BCAT2: variants seen among roughly 807,000 people sequenced by gnomAD.
BCAT2 encodes branched-chain-amino-acid aminotransferase, mitochondrial.
BCAT2 carries 44 observed loss-of-function variants against 52.9 expected under a neutral mutation model. The observed-to-expected ratio is 0.83, with a 90% CI of 0.65 to 1.07. The LOEUF (loss-of-function observed/expected upper bound fraction) is 1.07. Among genes scored for constraint, BCAT2 ranks in the 50% least tolerant of loss-of-function variants. BCAT2 has a pLI of 0.00. For synonymous variants in BCAT2, 215 were observed against 217.1 expected (o/e 0.99, Z 0.08); for missense variants, 478 against 521.8 (o/e 0.92, Z 0.82).
rs1296554415 is a variant in BCAT2 at position 48,799,631 on chromosome 19, A to G, written c.695+44T>C. The G allele has an allele frequency of 2.0e-6, 3 of 1,514,470 alleles. No homozygotes were observed. In the East Asian group the frequency reaches 6.9e-5, roughly 35 times the overall value. 93.8% of individuals were successfully genotyped at this position (1,514,470 alleles called of 1,614,324 possible). A position where few individuals can be genotyped will look rare whatever the true frequency, so the allele number is the denominator to read the frequency against. The stretch of plus-strand genomic sequence containing the variant: ...ACGCACGCTGGTCCCTGTGTCTCCA[A>G]CGCCCAGTGCGCCAGTCGTTCTGGG... On this transcript the variant is annotated intron_variant, in intron 6 of 10. Coordinates refer to ENST00000316273, the MANE Select transcript of BCAT2 (RefSeq NM_001190.4). This position sits in a 1 kb window ranked among gnomAD's most constrained non-coding sequence, Gnocchi z 5.5.
At chr19:48,810,853 C>T (rs931879968) in intron 1 of BCAT2, 131 bp downstream of exon 1, 4 of 1,521,360 alleles carry the variant, frequency 2.6e-6, no homozygotes, top group Non-Finnish European at 3.5e-6. Flanking sequence ...CCATCCTCCT[C>T]CGCGCCCTGC....
rs1431906246 is a variant in BCAT2 at position 48,795,452 on chromosome 19, C to A, written c.1153G>T (p.Ala385Ser). Residue 385 changes from alanine to serine, a missense_variant, in exon 11 of 11, where the codon GCC becomes TCC. Coordinates refer to ENST00000316273, the MANE Select transcript of BCAT2 (RefSeq NM_001190.4). ...ELKEIQYGIR[A>S]HEWMFPV is the part of the protein sequence containing the mutation. ...CACACCGGGAACATCCACTCGTGGG[C>A]TCTGATTCCGTACTGCGGAACAACG... is the stretch of plus-strand genomic sequence containing the variant. 1 of 1,613,860 alleles carries A rather than the reference C, an allele frequency of 6.2e-7. No homozygotes were observed. Among genetic ancestry groups the A allele is most frequent in the African/African-American group, 1.3e-5 (1 of 74,940 alleles).
intron 1 of BCAT2, chr19:48,808,408 A>AC (rs1007347961): frequency 1.2e-4 from 42 of 355,396 alleles, no homozygotes; most frequent in Middle Eastern, 1.4e-3. Context: ...CAGAAAAAAA[A>AC]AAAAACAAAA....
chr19:48,799,806 C>A lies in BCAT2; in HGVS notation c.564G>T (p.Ala188=). Residue 188 remains alanine (A), a synonymous_variant, in exon 6 of 11, where the codon GCG becomes GCT. Transcript: ENST00000316273. This position sits in a 1 kb window ranked among gnomAD's most constrained non-coding sequence, Gnocchi z 5.5. ...PSLGVSQPTR[A]LLFVILCPVG... ...CTGGGCAGAGAATGACGAACAGGAG[C>A]GCGCGCGTGGGCTGGCTGACACCCA... 6.4e-7 allele frequency: 1 copy of A among 1,559,270 alleles called. No individual in the cohort carries two copies. The highest frequency in any genetic ancestry group is 8.7e-7 in the Non-Finnish European group (1 of 1,151,438).
At chr19:48,795,656 G>C (rs1181899585) in intron 10 of BCAT2, among the ~76,000 whole-genome samples, 192 bp from the exon 11 acceptor site, 1 of 152,178 alleles carries the variant, frequency 6.6e-6, no homozygotes, top group Non-Finnish European at 1.5e-5. Flanking sequence ...AGGCTTCCGG[G>C]AGATGTAGTT....
chr19:48,797,381 C>T (rs2034550962), intron 6 of BCAT2, 48 bp from the exon 7 acceptor site: 1 of 1,606,842 alleles, frequency 6.2e-7, no homozygotes, highest in African/African-American at 1.3e-5. Context: ...CCCCATCCTT[C>T]CCCAGCCCAG....
chr19:48,798,066 CCTTA>C (rs767386785), intron 6 of BCAT2, among the ~76,000 whole-genome samples: 24 of 152,082 alleles, frequency 1.6e-4, no homozygotes, highest in Non-Finnish European at 3.1e-4. Context: ...CAGCGCCCGG[CCTTA>C]CTTTTTATAT....
chr19:48,798,015 G>A (rs187397261), intron 6 of BCAT2, among the ~76,000 whole-genome samples: 19 of 151,884 alleles, frequency 1.3e-4, no homozygotes, highest in African/African-American at 3.4e-4. Flanking sequence ...TTATATGCCC[G>A]CCTCAGCCCC....
chr19:48,806,376 A>C, intron 3 of BCAT2, 141 bp downstream of exon 3: 1 of 1,070,540 alleles, frequency 9.3e-7, no homozygotes, highest in Non-Finnish European at 1.3e-6. Context: ...GGAGCATGGA[A>C]GGCCTCAGAA....
intron 3 of BCAT2, among the ~76,000 whole-genome samples, chr19:48,805,522 C>G (rs753395687): frequency 1.6e-4 from 25 of 152,138 alleles, no homozygotes; most frequent in Non-Finnish European, 2.8e-4. Context: ...CATGCTCCAA[C>G]ACCGCAATTT....
intron 3 of BCAT2, among the ~76,000 whole-genome samples, chr19:48,804,215 T>C (rs2034714639): frequency 6.6e-6 from 1 of 152,106 alleles, no homozygotes; most frequent in South Asian, 2.1e-4. Context: ...CATTTGATGC[T>C]GTGTGTTATT....
intron 3 of BCAT2, among the ~76,000 whole-genome samples, chr19:48,801,351 A>AGG (rs2034654042): frequency 2.0e-5 from 3 of 152,180 alleles, no homozygotes; most frequent in Middle Eastern, 6.8e-3. Context: ...CACAAAAATG[A>AGG]GGGGCAAGAT....
intron 10 of BCAT2, chr19:48,796,213 T>C (rs748094150): frequency 3.8e-5 from 23 of 612,878 alleles, no homozygotes; most frequent in Non-Finnish European, 5.7e-5. Context: ...TATCCAGGGC[T>C]CCGGGAGCTC....
At position 48,800,109 on chromosome 19, in the gene BCAT2, G is replaced by C; in HGVS notation, c.412-9C>G. ...TCCAGCTTGTCGAAACTCTGGGTGG[G>C]ATTCTGAATGAGTCAAGGGGCCCTT... On this transcript the variant is annotated splice_polypyrimidine_tract_variant and intron_variant, in intron 4 of 10. Transcript: ENST00000316273. The C allele has an allele frequency of 1.2e-6, 2 of 1,613,838 alleles. No homozygotes were observed. The highest frequency in any genetic ancestry group is 1.7e-6 in the Non-Finnish European group (2 of 1,179,814).
At chr19:48,796,386 G>C (rs768790201) in intron 10 of BCAT2, 42 bp downstream of exon 10, 5 of 1,612,474 alleles carry the variant, frequency 3.1e-6, no homozygotes, top group Non-Finnish European at 4.2e-6. Flanking sequence ...ACTTCTCCAG[G>C]GAACAAGCTC....
rs999367509 is a variant in BCAT2 at position 48,807,194 on chromosome 19, G to A, written c.25-120C>T. Reference sequence around the variant, plus strand: ...GCCTGCCTGTTCTGTCCCAGTTTCAGTCCATTCTAGACGGGGCAGGTGGTC... The same window carrying A: ...GCCTGCCTGTTCTGTCCCAGTTTCAATCCATTCTAGACGGGGCAGGTGGTC... On this transcript the variant is annotated intron_variant, in intron 1 of 10. Coordinates refer to ENST00000316273, the MANE Select transcript of BCAT2 (RefSeq NM_001190.4). This position sits in a 1 kb window ranked among gnomAD's most constrained non-coding sequence, Gnocchi z 4.6. The A allele has an allele frequency of 8.3e-6, 7 of 843,054 alleles. No individual in the cohort carries two copies. The African/African-American group carries it at 8.6e-5, about 10-fold the overall frequency. 52.2% of individuals were successfully genotyped at this position (843,054 alleles called of 1,614,324 possible).
intron 6 of BCAT2, among the ~76,000 whole-genome samples, chr19:48,798,027 C>T (rs1285504239): frequency 6.6e-6 from 1 of 152,024 alleles, no homozygotes; most frequent in Non-Finnish European, 1.5e-5. Flanking sequence ...CTCAGCCCCC[C>T]AAAGTGCTGG....
rs757966702 is a variant in BCAT2, at chr19:48,797,286, C to A, written c.743G>T (p.Gly248Val). 1.9e-6 allele frequency: 3 copies of A among 1,613,972 alleles called. No individual in the cohort carries two copies. Among genetic ancestry groups the A allele is most frequent in the Non-Finnish European group, 2.5e-6 (3 of 1,180,006 alleles). The change falls in exon 7 of 11, where the codon GGC (glycine) becomes GTC (valine). Residue 248 changes from glycine (G) to valine (V), a missense_variant. Gly to Val is a moderately radical substitution (Grantham distance 109). Transcript: ENST00000316273. ...VLVQQEALKR[G>V]CEQVLWLYGP... is the part of the protein sequence containing the mutation. ...ATACAGCCAGAGGACCTGTTCACAG[C>A]CCCGCTTGAGTGCCTCCTGTTGCAC...
intron 3 of BCAT2, among the ~76,000 whole-genome samples, chr19:48,803,518 AC>A (rs2034700322): frequency 6.6e-6 from 1 of 151,990 alleles, no homozygotes; most frequent in Admixed American, 6.6e-5. Context: ...ACAGAGCAAG[AC>A]CCTTTCTCAA....
Sources: gnomAD v4.1 joint callset for allele counts (sites outside exome capture counted in the v4.1 genomes callset) on GRCh38, gnomAD v4.1.1 for gene constraint, Gnocchi (gnomAD v3.1) non-coding constraint, MANE v1.5 for transcripts, NCBI Gene and HGNC (gene_info 2026-07-23, HGNC 2026-07-21) for gene names.